Variants in PCDH9 observed in about 807,000 individuals in gnomAD.
The protein encoded by PCDH9 is protocadherin-9.
In PCDH9, 24 loss-of-function variants were observed where a neutral mutation model predicts 70.6. The observed-to-expected ratio is 0.34, with a 90% CI of 0.25 to 0.48. The LOEUF is 0.48. Among genes scored for constraint, PCDH9 ranks in the 20% least tolerant of loss-of-function variants. The pLI, the probability that PCDH9 is intolerant of heterozygous loss-of-function variation, is 0.99. For missense variants in PCDH9, 1,281 were observed against 1,503.6 expected, an observed-to-expected ratio of 0.85 and a Z score of 2.45; for synonymous variants, 562 against 558.5, an observed-to-expected ratio of 1.01 and a Z score of -0.09.
chr13:66,655,357 A>T (rs1443331360), intron 3 of PCDH9, among the ~76,000 whole-genome samples: 4 of 151,976 alleles, frequency 2.6e-5, no homozygotes, highest in Non-Finnish European at 2.9e-5. Context: ...CTTTATTCTC[A>T]CATGGGAAAA....
At position 66,631,817 on chromosome 13, in the gene PCDH9, G is replaced by C. The variant is rs117746893; in HGVS notation, c.3139-406C>G. ...ATATTTCATTTCTTTTGAATGACCA[G>C]ACATTGTGCTTACTTGATGTTTTTA... On this transcript the variant is annotated intron_variant, in intron 3 of 4. Transcript: ENST00000377865. 3.7e-4 allele frequency among the ~76,000 whole-genome samples: 56 copies of C among 152,282 alleles called. No homozygotes were observed. In the East Asian group the frequency reaches 9.8e-3, roughly 27 times the overall value.
chr13:66,387,331 T>C (rs1388073873), intron 4 of PCDH9, among the ~76,000 whole-genome samples: 1 of 152,076 alleles, frequency 6.6e-6, no homozygotes, highest in African/African-American at 2.4e-5. Flanking sequence ...CTTGTGCCTT[T>C]CTCCTCTTGG....
At chr13:66,759,988 C>G (rs1438364697) in intron 3 of PCDH9, among the ~76,000 whole-genome samples, 1 of 152,128 alleles carries the variant, frequency 6.6e-6, no homozygotes, top group Admixed American at 6.6e-5. Context: ...ATTTAATTTT[C>G]TCTCAGATTA....
At chr13:66,651,160 T>G (rs1348319824) in intron 3 of PCDH9, among the ~76,000 whole-genome samples, 2 of 150,534 alleles carry the variant, frequency 1.3e-5, no homozygotes, top group Non-Finnish European at 3.0e-5. Context: ...CCTAAGTTAG[T>G]AGAAGAAAAA....
At chr13:66,392,129 A>G (rs1490909743) in intron 4 of PCDH9, among the ~76,000 whole-genome samples, 2 of 151,920 alleles carry the variant, frequency 1.3e-5, no homozygotes, top group African/African-American at 2.4e-5. Flanking sequence ...TAAGCTAGGT[A>G]TCAAATAAAA....
chr13:67,191,375 C>G (rs1486362546), intron 2 of PCDH9, among the ~76,000 whole-genome samples: 1 of 151,972 alleles, frequency 6.6e-6, no homozygotes, highest in Non-Finnish European at 1.5e-5. Flanking sequence ...ATTATTGGCT[C>G]TCAATAAATA....
intron 4 of PCDH9, among the ~76,000 whole-genome samples, chr13:66,468,507 G>C (rs1958557405): frequency 6.6e-6 from 1 of 152,030 alleles, no homozygotes; most frequent in African/African-American, 2.4e-5. Flanking sequence ...CTCATACTCT[G>C]ATGTCTTGAA....
In PCDH9 at chr13:66,671,865, G is replaced by A. The variant is rs569761983; in HGVS notation, c.3139-40454C>T. 5.9e-5 allele frequency among the ~76,000 whole-genome samples: 9 copies of A among 152,296 alleles called. No homozygotes were observed. The South Asian group carries it at 1.9e-3, about 32-fold the overall frequency. On this transcript the variant is annotated intron_variant, in intron 3 of 4. Transcript: ENST00000377865. ...TTTGGAAAATTTGCAGCCTGACACT[G>A]CAATAGAAAATAAAAAAACATTTTC...
chr13:67,011,260 AAT>A lies in PCDH9; in HGVS notation c.3037-107657_3037-107656del, dbSNP rs973110466. Among the ~76,000 whole-genome samples, 7 of 152,050 alleles carry A rather than the reference AAT, an allele frequency of 4.6e-5. No homozygotes were observed. The East Asian group carries it at 7.7e-4, about 17-fold the overall frequency. On this transcript the variant is annotated intron_variant, in intron 2 of 4. Transcript: ENST00000377865. ...CAACGTAAACATCAGGAAACAGAAA[AAT>A]ATGTGTCTATATCCTGCATTTATAG...
At chr13:67,170,930 CA>C (rs1354295889) in intron 2 of PCDH9, among the ~76,000 whole-genome samples, 1 of 151,716 alleles carries the variant, frequency 6.6e-6, no homozygotes, top group East Asian at 1.9e-4. Flanking sequence ...GTCTCAAAAA[CA>C]AAAACAAAAA....
chr13:67,145,543 T>C (rs76510117), intron 2 of PCDH9, among the ~76,000 whole-genome samples: 7,011 of 152,020 alleles, frequency 0.046, 233 homozygotes, highest in Non-Finnish European at 0.069. Flanking sequence ...ATTAAATTAT[T>C]ATAATCCACA....
chr13:67,224,141 C>T (rs1017471985), intron 2 of PCDH9: 1 of 152,104 alleles, frequency 6.6e-6, no homozygotes, highest in Non-Finnish European at 1.5e-5. Context: ...ACTTGATTTT[C>T]TAAAATCTAT....
At chr13:66,674,350 A>C (rs1468196363) in intron 3 of PCDH9, among the ~76,000 whole-genome samples, 1 of 152,142 alleles carries the variant, frequency 6.6e-6, no homozygotes, top group African/African-American at 2.4e-5. Context: ...TTCATAGTAT[A>C]AACTGAAAAG....
At chr13:66,700,750 C>T (rs985649140) in intron 3 of PCDH9, among the ~76,000 whole-genome samples, 1 of 151,732 alleles carries the variant, frequency 6.6e-6, no homozygotes, top group Non-Finnish European at 1.5e-5. Context: ...ACCCCAACAA[C>T]GAAGACGTTT....
At chr13:66,319,169 G>A (rs1955706671) in intron 4 of PCDH9, among the ~76,000 whole-genome samples, 1 of 152,194 alleles carries the variant, frequency 6.6e-6, no homozygotes, top group Admixed American at 6.5e-5. Flanking sequence ...GTGTGTAGGA[G>A]GAAATTTCAA....
At position 66,598,915 on chromosome 13, in the gene PCDH9, C is replaced by T. The variant is rs560055732; in HGVS notation, c.3340+32295G>A. On this transcript the variant is annotated intron_variant, in intron 4 of 4. Transcript: ENST00000377865. ...TTAGTACAGTGTATCCGTAAAACTGCTCTAAAGAAAACACAGTGATAATCA... is the reference window on the plus strand; with the variant it reads ...TTAGTACAGTGTATCCGTAAAACTGTTCTAAAGAAAACACAGTGATAATCA... Among the ~76,000 whole-genome samples, 339 of 151,918 alleles carry T rather than the reference C, an allele frequency of 2.2e-3. 3 individuals carry two copies. The highest frequency in any genetic ancestry group is 7.7e-3 in the African/African-American group (319 of 41,512).
At chr13:66,340,777 C>T (rs546949506) in intron 4 of PCDH9, among the ~76,000 whole-genome samples, 1 of 152,142 alleles carries the variant, frequency 6.6e-6, no homozygotes, top group Non-Finnish European at 1.5e-5. Context: ...GTGTGATGAT[C>T]CAACGTATGA....
chr13:67,198,303 A>C (rs2089126109), intron 2 of PCDH9, among the ~76,000 whole-genome samples: 1 of 151,886 alleles, frequency 6.6e-6, no homozygotes, highest in African/African-American at 2.4e-5. Flanking sequence ...TTTGTAAATA[A>C]AAGTGTAAAT....
At chr13:66,815,222 A>T (rs558589752) in intron 3 of PCDH9, among the ~76,000 whole-genome samples, 53 of 152,204 alleles carry the variant, frequency 3.5e-4, no homozygotes, top group Non-Finnish European at 7.2e-4. Context: ...CCACAATGAG[A>T]TACCATCTCG....
Sources: gnomAD v4.1 joint callset for allele counts (sites outside exome capture counted in the v4.1 genomes callset) on GRCh38, gnomAD v4.1.1 for gene constraint, MANE v1.5 for transcripts, NCBI Gene and HGNC (gene_info 2026-07-23, HGNC 2026-07-21) for gene names.